CALN1: variants seen among roughly 807,000 people sequenced by gnomAD.
CALN1 encodes the protein calcium-binding protein 8.
CALN1 carries 17 observed loss-of-function variants against 30.6 expected under a neutral mutation model. That is an observed-to-expected ratio of 0.56 (90% CI 0.38 to 0.83). The LOEUF (loss-of-function observed/expected upper bound fraction) is 0.83. Among genes scored for constraint, CALN1 ranks in the 40% least tolerant of loss-of-function variants. The probability of loss-of-function intolerance (pLI) is 0.00; values close to 1 mark genes in which losing one functional copy is unlikely to be tolerated. For synonymous variants in CALN1, 156 were observed against 131.4 expected (o/e 1.19, Z -1.28); for missense variants, 291 against 354.9 (o/e 0.82, Z 1.45).
intron 5 of CALN1, among the ~76,000 whole-genome samples, chr7:71,985,053 C>A (rs1798591569): frequency 6.6e-6 from 1 of 152,112 alleles, no homozygotes; most frequent in African/African-American, 2.4e-5. Flanking sequence ...CACTGAGTTA[C>A]TCCATGTAAG....
At chr7:71,841,006 A>G (rs1446233120) in intron 5 of CALN1, among the ~76,000 whole-genome samples, 2 of 152,142 alleles carry the variant, frequency 1.3e-5, no homozygotes, top group African/African-American at 4.8e-5. Flanking sequence ...AGCATCTGTC[A>G]CAGAATGATA....
chr7:71,857,044 G>GTGTC (rs1791000795), intron 5 of CALN1, among the ~76,000 whole-genome samples: 9 of 151,724 alleles, frequency 5.9e-5, no homozygotes, highest in Non-Finnish European at 2.9e-5. Context: ...GTGTGTGTGT[G>GTGTC]TGTGTGTGTG....
At chr7:72,204,836 G>C (rs1585158030) in intron 3 of CALN1, among the ~76,000 whole-genome samples, 1 of 152,102 alleles carries the variant, frequency 6.6e-6, no homozygotes. Flanking sequence ...AACTAATACA[G>C]TTATTTTAAA....
chr7:72,119,089 G>C (rs570411420), intron 3 of CALN1, among the ~76,000 whole-genome samples: 11 of 152,282 alleles, frequency 7.2e-5, no homozygotes, highest in Non-Finnish European at 1.6e-4. Context: ...GATTACAGCT[G>C]ATGTTTATTT....
At chr7:72,473,601 A>G in the CALN1 span, among the ~76,000 whole-genome samples, 1 of 152,242 alleles carries the variant, frequency 6.6e-6, no homozygotes, top group African/African-American at 2.4e-5. Context: ...AGAGTTGGGT[A>G]AAGCAGTTTC....
intron 2 of CALN1, among the ~76,000 whole-genome samples, chr7:72,283,278 A>G (rs1797857310): frequency 6.6e-6 from 1 of 152,066 alleles, no homozygotes; most frequent in Admixed American, 6.6e-5. Context: ...TAATCCCAGC[A>G]CTTTGGGAGG....
intron 4 of CALN1, among the ~76,000 whole-genome samples, chr7:72,030,917 T>C (rs1433840741): frequency 6.6e-6 from 1 of 151,982 alleles, no homozygotes; most frequent in Non-Finnish European, 1.5e-5. Context: ...TGGCCAATCT[T>C]TTAAAATTTT....
At chr7:72,407,950 C>CCTGAGAGTT (rs1562954990) in intron 1 of CALN1, among the ~76,000 whole-genome samples, 2 of 151,834 alleles carry the variant, frequency 1.3e-5, no homozygotes, top group African/African-American at 4.8e-5. Flanking sequence ...GGAGGATCAG[C>CCTGAGAGTT]TTGTTCCTGA....
chr7:72,116,347 G>A (rs913776380), intron 3 of CALN1, among the ~76,000 whole-genome samples: 1 of 152,196 alleles, frequency 6.6e-6, no homozygotes, highest in African/African-American at 2.4e-5. Context: ...GCAAGACCCT[G>A]TCCCTGTCTT....
intron 3 of CALN1, among the ~76,000 whole-genome samples, chr7:72,168,804 TA>T (rs1330736239): frequency 1.1e-3 from 104 of 97,114 alleles, no homozygotes; most frequent in African/African-American, 2.4e-3. Flanking sequence ...TTATTATTAT[TA>T]TTTTTTTTTT....
At chr7:72,232,519 G>A (rs1193381446) in intron 3 of CALN1, among the ~76,000 whole-genome samples, 2 of 152,144 alleles carry the variant, frequency 1.3e-5, no homozygotes, top group African/African-American at 2.4e-5. Flanking sequence ...GTAGTGCAGT[G>A]GCACCATCTT....
chr7:72,344,999 A>C (rs1237983802), intron 2 of CALN1, among the ~76,000 whole-genome samples: 1 of 147,914 alleles, frequency 6.8e-6, no homozygotes, highest in East Asian at 1.9e-4. Context: ...ATAATGATAT[A>C]TAATACATTA....
intron 5 of CALN1, among the ~76,000 whole-genome samples, chr7:71,994,110 A>T (rs553157550): frequency 4.6e-5 from 7 of 152,194 alleles, no homozygotes; most frequent in Non-Finnish European, 7.3e-5. Context: ...AATTTTTAAG[A>T]AATGTTTAAA....
At chr7:72,418,478 G>A (rs1404599473) in intron 1 of CALN1, among the ~76,000 whole-genome samples, 2 of 152,174 alleles carry the variant, frequency 1.3e-5, no homozygotes, top group Non-Finnish European at 2.9e-5. Context: ...TTTGGGTTTG[G>A]GAAGGGGCTC....
At chr7:71,797,446 A>G (rs962805643) in intron 6 of CALN1, among the ~76,000 whole-genome samples, 3 of 152,178 alleles carry the variant, frequency 2.0e-5, no homozygotes, top group Non-Finnish European at 4.4e-5. Flanking sequence ...TTTCAAAGAG[A>G]ATTTTGTATA....
chr7:72,303,772 G>C (rs1241559733), intron 2 of CALN1, among the ~76,000 whole-genome samples: 1 of 152,128 alleles, frequency 6.6e-6, no homozygotes, highest in Non-Finnish European at 1.5e-5. Context: ...CACTTTGGGA[G>C]GCCGAGGCAG....
At chr7:72,128,967 T>A (rs1808956457) in intron 3 of CALN1, among the ~76,000 whole-genome samples, 1 of 152,190 alleles carries the variant, frequency 6.6e-6, no homozygotes, top group East Asian at 1.9e-4. Context: ...TAATTTATGT[T>A]ACAAAAGAGG....
intron 5 of CALN1, among the ~76,000 whole-genome samples, chr7:71,912,284 T>C (rs548449446): frequency 6.6e-6 from 1 of 152,044 alleles, no homozygotes; most frequent in South Asian, 2.1e-4. Flanking sequence ...GCCAGAGCCC[T>C]TGTTCAGTTC....
intron 3 of CALN1, among the ~76,000 whole-genome samples, chr7:72,114,203 A>G (rs1229240346): frequency 6.8e-6 from 1 of 147,386 alleles, no homozygotes; most frequent in East Asian, 2.1e-4. Context: ...CAACATGGTA[A>G]AACCCAAGAA....
Sources: allele counts gnomAD v4.1 joint callset (sites outside exome capture counted in the v4.1 genomes callset), GRCh38; gene constraint gnomAD v4.1.1; transcripts MANE v1.5; gene names NCBI Gene and HGNC (gene_info 2026-07-23, HGNC 2026-07-21).